Variants in GPHN observed in about 807,000 individuals in gnomAD.
The protein encoded by GPHN is gephyrin.
A neutral mutation model predicts 95.5 loss-of-function variants in GPHN; 17 were observed. That is an observed-to-expected ratio of 0.18 (90% confidence interval 0.12 to 0.27). GPHN has a LOEUF of 0.27. Among genes scored for constraint, GPHN ranks in the 10% least tolerant of loss-of-function variants. The pLI is 1.00. For synonymous variants in GPHN, 320 were observed against 322.5 expected (o/e 0.99, Z 0.08); for missense variants, 660 against 978.1 (o/e 0.67, Z 4.34).
At chr14:67,239,073 A>G in the GPHN span, among the ~76,000 whole-genome samples, 1 of 152,140 alleles carries the variant, frequency 6.6e-6, no homozygotes. Context: ...CATACTAATA[A>G]TTATTTTATT....
At chr14:67,067,130 T>G (rs1176872230) in intron 11 of GPHN, among the ~76,000 whole-genome samples, 2 of 152,170 alleles carry the variant, frequency 1.3e-5, no homozygotes, top group Non-Finnish European at 2.9e-5. Context: ...GGATGTCCTT[T>G]TTGTTGATGG....
At chr14:67,339,913 A>G in the GPHN span, among the ~76,000 whole-genome samples, 1 of 152,042 alleles carries the variant, frequency 6.6e-6, no homozygotes, top group Non-Finnish European at 1.5e-5. Context: ...CAGCCTGGCC[A>G]ACATGGTGAA....
chr14:66,637,203 T>C (rs1235682106), intron 1 of GPHN, among the ~76,000 whole-genome samples: 3 of 152,176 alleles, frequency 2.0e-5, no homozygotes, highest in Admixed American at 6.5e-5. Context: ...ATTTGACTTA[T>C]AGTTAATAGG....
At chr14:67,586,616 A>G in the GPHN span, 1 of 437,316 alleles carries the variant, frequency 2.3e-6, no homozygotes, top group Non-Finnish European at 4.0e-6. Context: ...GTTGACCAGC[A>G]AAAATAATAA....
chr14:67,247,461 C>T, the GPHN span, among the ~76,000 whole-genome samples: 3 of 152,006 alleles, frequency 2.0e-5, no homozygotes, highest in Non-Finnish European at 4.4e-5. Context: ...GTGCTCAAAA[C>T]TTTTCTTTCC....
chr14:67,683,746 C>T, the GPHN span, among the ~76,000 whole-genome samples: 38 of 152,244 alleles, frequency 2.5e-4, no homozygotes, highest in African/African-American at 9.2e-4. Context: ...GGCTGGCTGA[C>T]TGCCACTCTG....
intron 9 of GPHN, among the ~76,000 whole-genome samples, chr14:67,021,850 C>T (rs1044207142): frequency 1.3e-5 from 2 of 152,088 alleles, no homozygotes; most frequent in Non-Finnish European, 2.9e-5. Context: ...ACTTTCCATT[C>T]GCAAACATTG....
At chr14:67,598,232 T>G in the GPHN span, among the ~76,000 whole-genome samples, 1 of 152,030 alleles carries the variant, frequency 6.6e-6, no homozygotes, top group South Asian at 2.1e-4. Flanking sequence ...TTAGAAAGTG[T>G]TGCAGTAGAG....
intron 2 of GPHN, among the ~76,000 whole-genome samples, chr14:66,762,758 G>T (rs940026316): frequency 6.6e-6 from 1 of 152,068 alleles, no homozygotes; most frequent in Admixed American, 6.6e-5. Flanking sequence ...GAGTAAAGTG[G>T]AAGCAAAGAC....
chr14:67,263,614 G>A, the GPHN span, among the ~76,000 whole-genome samples: 2 of 152,168 alleles, frequency 1.3e-5, no homozygotes, highest in African/African-American at 4.8e-5. Context: ...CTGTTCTGAT[G>A]TCATACAGAC....
the GPHN span, among the ~76,000 whole-genome samples, chr14:67,539,972 G>A: frequency 2.0e-5 from 3 of 152,198 alleles, no homozygotes; most frequent in Non-Finnish European, 2.9e-5. Context: ...GAGGGGAGAA[G>A]CACGATTGGT....
chr14:67,230,367 C>T, the GPHN span, among the ~76,000 whole-genome samples: 27 of 152,056 alleles, frequency 1.8e-4, no homozygotes, highest in African/African-American at 6.0e-4. Flanking sequence ...ATTGCTTGGG[C>T]CCAGTAGTTT....
the GPHN span, among the ~76,000 whole-genome samples, chr14:67,608,310 A>C: frequency 2.0e-5 from 3 of 152,188 alleles, no homozygotes; most frequent in African/African-American, 7.2e-5. Flanking sequence ...ATCATTCCCT[A>C]ATCAATACAG....
In GPHN at chr14:66,757,908, G is replaced by T. The variant is rs114757353; in HGVS notation, c.144-18556G>T. 2.4e-3 allele frequency among the ~76,000 whole-genome samples: 373 copies of T among 152,292 alleles called. 9 individuals carry two copies. Among genetic ancestry groups the T allele is most frequent in the East Asian group, 0.017 (88 of 5,172 alleles). On this transcript the variant is annotated intron_variant, in intron 2 of 22. Transcript: ENST00000478722. ...TGGACACTGTACAGTGAGTGGAATA[G>T]AATTTATTAAGTGAAAGGAAAAATT...
At chr14:66,698,203 G>A (rs948781530) in intron 2 of GPHN, among the ~76,000 whole-genome samples, 1 of 152,104 alleles carries the variant, frequency 6.6e-6, no homozygotes, top group Non-Finnish European at 1.5e-5. Flanking sequence ...AAAGGGATAT[G>A]ATGAATTTTG....
the GPHN span, chr14:67,616,156 A>C: frequency 1.7e-5 from 4 of 235,172 alleles, no homozygotes; most frequent in Non-Finnish European, 2.7e-5. Flanking sequence ...TACACAACTC[A>C]CTCCTTTTAA....
At chr14:67,392,447 A>G in the GPHN span, 1 of 1,567,134 alleles carries the variant, frequency 6.4e-7, no homozygotes, top group Admixed American at 1.7e-5. Context: ...AGGAGGGAGC[A>G]AGGACTCTGC....
chr14:66,916,972 A>G (rs1022031266), intron 6 of GPHN, among the ~76,000 whole-genome samples: 6 of 152,230 alleles, frequency 3.9e-5, no homozygotes, highest in South Asian at 4.1e-4. Context: ...AAGGCAGTGT[A>G]GGGTGTGGAT....
the GPHN span, among the ~76,000 whole-genome samples, chr14:67,330,305 G>A: frequency 6.6e-6 from 1 of 151,614 alleles, no homozygotes; most frequent in Non-Finnish European, 1.5e-5. Context: ...AGTTTCTCAA[G>A]ATGAATGCTT....
Sources: gnomAD v4.1 joint callset for allele counts (sites outside exome capture counted in the v4.1 genomes callset) on GRCh38, gnomAD v4.1.1 for gene constraint, MANE v1.5 for transcripts, NCBI Gene and HGNC (gene_info 2026-07-23, HGNC 2026-07-21) for gene names.